The following GPR158 variants were observed in gnomAD, a reference collection of about 807,000 sequenced individuals.
GPR158 encodes the protein G protein-coupled receptor 158, also known as metabotropic glycine receptor.
In GPR158, 30 loss-of-function variants were observed where a neutral mutation model predicts 78.2. The ratio of observed to expected loss-of-function variants is 0.38; its 90% CI spans 0.29 to 0.52. The LOEUF is 0.52. GPR158 is among the 20% of genes least tolerant of loss of function. The pLI, the probability that GPR158 is intolerant of heterozygous loss-of-function variation, is 0.83. For missense variants in GPR158, 1,463 were observed against 1,523.5 expected (o/e 0.96, Z 0.66); for synonymous variants, 581 against 591.1 (o/e 0.98, Z 0.25).
chr10:25,203,424 T>G (rs980158350), intron 1 of GPR158, among the ~76,000 whole-genome samples: 2 of 152,174 alleles, frequency 1.3e-5, no homozygotes, highest in African/African-American at 4.8e-5. Context: ...TCGAATTAAT[T>G]TTTGTATAAG....
intron 2 of GPR158, among the ~76,000 whole-genome samples, chr10:25,364,076 A>G (rs1265884990): frequency 1.3e-5 from 2 of 151,964 alleles, no homozygotes; most frequent in South Asian, 2.1e-4. Context: ...GTATAATGAA[A>G]TAATCAGTTC....
intron 5 of GPR158, among the ~76,000 whole-genome samples, chr10:25,519,717 C>T (rs1353044082): frequency 7.9e-6 from 1 of 127,102 alleles, no homozygotes; most frequent in Non-Finnish European, 1.6e-5. Flanking sequence ...TCTCTTCTGG[C>T]TTGTAGGGTT....
rs1181345382 is a variant in GPR158, at chr10:25,597,981, T to C, written c.2355T>C (p.Thr785=). The C allele has an allele frequency of 1.9e-6, 3 of 1,614,032 alleles. No homozygotes were observed. The highest frequency in any genetic ancestry group is 1.7e-5 in the Admixed American group (1 of 60,008). ...CCGACCATGGCACAGCCAAAGGCAC[T>C]GCCCTCATCAGGAAGAACCCCCCAG... is the stretch of plus-strand genomic sequence containing the variant. ...EGADHGTAKG[T]ALIRKNPPES... Residue 785 remains threonine, a synonymous_variant, in exon 11 of 11, where the codon ACT becomes ACC. Coordinates refer to ENST00000376351, the MANE Select transcript of GPR158 (RefSeq NM_020752.3).
chr10:25,252,961 G>T (rs1285822552), intron 2 of GPR158, among the ~76,000 whole-genome samples: 1 of 152,252 alleles, frequency 6.6e-6, no homozygotes, highest in Non-Finnish European at 1.5e-5. Context: ...CTAGCAATCA[G>T]CGAGATTCCG....
chr10:25,412,225 CTG>C (rs1234033640), intron 3 of GPR158, 23 bp from the exon 4 acceptor site: 12 of 1,520,966 alleles, frequency 7.9e-6, no homozygotes, highest in African/African-American at 6.8e-5. Flanking sequence ...GCAAATGACA[CTG>C]TGGTTTTATT....
At chr10:25,319,322 G>A (rs562615085) in intron 2 of GPR158, among the ~76,000 whole-genome samples, 1 of 152,240 alleles carries the variant, frequency 6.6e-6, no homozygotes, top group Admixed American at 6.5e-5. Context: ...CATTTACTGT[G>A]TACACAGAGG....
chr10:25,423,112 C>T (rs1182719839), intron 4 of GPR158, among the ~76,000 whole-genome samples: 1 of 141,012 alleles, frequency 7.1e-6, no homozygotes, highest in African/African-American at 2.6e-5. Flanking sequence ...TATGTCTACA[C>T]ATATATACAT....
chr10:25,369,374 T>G (rs1306275208), intron 2 of GPR158, among the ~76,000 whole-genome samples: 1 of 150,112 alleles, frequency 6.7e-6, no homozygotes, highest in Non-Finnish European at 1.5e-5. Flanking sequence ...GTTTTTAGCA[T>G]GAAGGGTTGT....
At chr10:25,585,627 T>C (rs1247951165) in intron 7 of GPR158, among the ~76,000 whole-genome samples, 1 of 152,192 alleles carries the variant, frequency 6.6e-6, no homozygotes, top group African/African-American at 2.4e-5. Context: ...AAATTCTAGC[T>C]CCCACTAGAA....
At chr10:25,301,149 A>G (rs1854587696) in intron 2 of GPR158, among the ~76,000 whole-genome samples, 1 of 152,204 alleles carries the variant, frequency 6.6e-6, no homozygotes, top group South Asian at 2.1e-4. Context: ...ATAATTTGTC[A>G]AAATGTTTAT....
chr10:25,188,749 A>C (rs1161445068), intron 1 of GPR158, among the ~76,000 whole-genome samples: 1 of 152,230 alleles, frequency 6.6e-6, no homozygotes, highest in Non-Finnish European at 1.5e-5. Context: ...TAAAACACCA[A>C]AAGCAATGGC....
At chr10:25,420,519 T>C (rs901743455) in intron 4 of GPR158, among the ~76,000 whole-genome samples, 1 of 152,168 alleles carries the variant, frequency 6.6e-6, no homozygotes, top group Non-Finnish European at 1.5e-5. Context: ...TTTGGTGTCA[T>C]ATGCAAGAAA....
intron 2 of GPR158, among the ~76,000 whole-genome samples, chr10:25,378,065 G>A (rs558607317): frequency 6.6e-6 from 1 of 152,114 alleles, no homozygotes; most frequent in African/African-American, 2.4e-5. Context: ...CATCCTAGTA[G>A]GTGTGAAGTA....
intron 2 of GPR158, among the ~76,000 whole-genome samples, chr10:25,232,679 TG>T (rs761016110): frequency 1.3e-3 from 203 of 152,134 alleles, no homozygotes; most frequent in Middle Eastern, 3.4e-3. Flanking sequence ...AGAGAACAAG[TG>T]GGTGTTGATG....
intron 2 of GPR158, among the ~76,000 whole-genome samples, chr10:25,224,483 A>C (rs1217036810): frequency 6.6e-6 from 1 of 151,570 alleles, no homozygotes; most frequent in Non-Finnish European, 1.5e-5. Flanking sequence ...ATAATATTTT[A>C]ATATAAATTA....
At chr10:25,241,306 TTTCTTTTCTC>T (rs1356330862) in intron 2 of GPR158, among the ~76,000 whole-genome samples, 5 of 100,772 alleles carry the variant, frequency 5.0e-5, no homozygotes, top group East Asian at 3.8e-4. Flanking sequence ...TTTCTTTTCT[TTTCTTTTCTC>T]TTCTCTTCTC....
chr10:25,598,008 G>A lies in GPR158; in HGVS notation c.2382G>A (p.Glu794=), dbSNP rs1448220142. Reference sequence around the variant, plus strand: ...CCCTCATCAGGAAGAACCCCCCAGAGTCTTCAGGGAACACAGGGAAATCCA... The same window carrying A: ...CCCTCATCAGGAAGAACCCCCCAGAATCTTCAGGGAACACAGGGAAATCCA... The part of the protein sequence containing the change: ...GTALIRKNPP[E]SSGNTGKSKE... The change falls in exon 11 of 11, where the codon GAG becomes GAA. Residue 794 remains glutamate, a synonymous_variant. Coordinates refer to ENST00000376351, the MANE Select transcript of GPR158 (RefSeq NM_020752.3). The A allele has an allele frequency of 1.2e-6, 2 of 1,614,094 alleles. No individual in the cohort carries two copies. Among genetic ancestry groups the A allele is most frequent in the South Asian group, 1.1e-5 (1 of 91,086 alleles).
rs369334698 is a variant in GPR158, at chr10:25,482,631, T to G, written c.1404+15912T>G. On this transcript the variant is annotated intron_variant, in intron 5 of 10. Coordinates refer to ENST00000376351, the MANE Select transcript of GPR158 (RefSeq NM_020752.3). ...GTTCTTGGGTCTTTTCTCTTTTCCC[T>G]TATGATCTCATCCATTCTCATAGCT... Among the ~76,000 whole-genome samples, 117 of 152,228 alleles carry G rather than the reference T, an allele frequency of 7.7e-4. 2 individuals carry two copies. In the South Asian group the frequency reaches 0.023, roughly 30 times the overall value.
chr10:25,593,138 C>T (rs184554793), intron 8 of GPR158, among the ~76,000 whole-genome samples: 1 of 151,914 alleles, frequency 6.6e-6, no homozygotes, highest in South Asian at 2.1e-4. Context: ...ATTTGGTTTG[C>T]ATCTCTAGAC....
Sources: gnomAD v4.1 joint callset for allele counts (sites outside exome capture counted in the v4.1 genomes callset) on GRCh38, gnomAD v4.1.1 for gene constraint, MANE v1.5 for transcripts, NCBI Gene and HGNC (gene_info 2026-07-23, HGNC 2026-07-21) for gene names.